Variants in MYT1 observed in about 807,000 individuals in gnomAD.
MYT1 encodes the protein myelin transcription factor I.
A neutral mutation model predicts 123.0 loss-of-function variants in MYT1; 23 were observed. The observed-to-expected ratio is 0.19, with a 90% CI of 0.13 to 0.26. The LOEUF (loss-of-function observed/expected upper bound fraction) is 0.26, where lower values mean the gene tolerates loss of function less well. Among genes scored for constraint, MYT1 ranks in the 10% least tolerant of loss-of-function variants. The pLI is 1.00. For synonymous variants in MYT1, 518 were observed against 575.3 expected, an observed-to-expected ratio of 0.90 and a Z score of 1.43; for missense variants, 1,125 against 1,472.5, an observed-to-expected ratio of 0.76 and a Z score of 3.86.
At position 64,231,589 on chromosome 20, in the gene MYT1, A is replaced by C. The variant is rs1984321623; in HGVS notation, c.2676-575A>C. On this transcript the variant is annotated intron_variant, in intron 18 of 22. Transcript: ENST00000328439. The surrounding 1 kb of genome is among the most constrained non-coding windows in gnomAD (Gnocchi z 6.4). The stretch of plus-strand genomic sequence containing the variant: ...TTCTTCCTTCTAGAACATAGATCTC[A>C]GTGGTGGCAAAGCTGCAACATCTAT... Among the ~76,000 whole-genome samples, 1 of 152,362 alleles carries C rather than the reference A, an allele frequency of 6.6e-6. No individual in the cohort carries two copies. Among genetic ancestry groups the C allele is most frequent in the South Asian group, 2.1e-4 (1 of 4,824 alleles).
intron 1 of MYT1, among the ~76,000 whole-genome samples, chr20:64,170,884 T>G (rs28556630): frequency 0.014 from 274 of 19,980 alleles, 6 homozygotes; most frequent in African/African-American, 0.016. Context: ...TATATATATA[T>G]AGAGAGAGAG....
intron 1 of MYT1, among the ~76,000 whole-genome samples, chr20:64,180,921 A>G (rs1384948716): frequency 1.3e-5 from 2 of 152,182 alleles, no homozygotes; most frequent in Admixed American, 6.5e-5. Context: ...TCGCGGTTCA[A>G]TGCTCAGTTT....
chr20:64,177,744 G>C (rs1982513012), intron 1 of MYT1, among the ~76,000 whole-genome samples: 1 of 152,166 alleles, frequency 6.6e-6, no homozygotes, highest in Non-Finnish European at 1.5e-5. Context: ...GGGCAAATGT[G>C]GGGGGTCCTG....
intron 1 of MYT1, among the ~76,000 whole-genome samples, chr20:64,180,606 C>T (rs964457295): frequency 1.3e-5 from 2 of 152,230 alleles, no homozygotes. Context: ...TGCTGGGGAG[C>T]CTCACTGGCC....
intron 13 of MYT1, 47 bp from the exon 14 acceptor site, chr20:64,221,846 G>T (rs762212114): frequency 3.7e-6 from 6 of 1,601,704 alleles, no homozygotes; most frequent in Non-Finnish European, 4.3e-6. Context: ...GGGCGCCCAG[G>T]CCTCCCCGCC....
In MYT1 at chr20:64,223,145, A is replaced by G. The variant is rs1292937417; in HGVS notation, c.2431A>G (p.Ile811Val). The G allele has an allele frequency of 2.5e-6, 4 of 1,614,006 alleles. No homozygotes were observed. Among genetic ancestry groups the G allele is most frequent in the East Asian group, 2.2e-5 (1 of 44,876 alleles). The change falls in exon 15 of 23, where the codon ATC (isoleucine) becomes GTC (valine). Residue 811 changes from isoleucine to valine, a missense_variant. Ile to Val is a conservative substitution (Grantham distance 29). This residue lies in a region of MYT1 where 47 missense variants were observed against 113.1 expected (regional missense o/e 0.42). Coordinates refer to ENST00000328439, the MANE Select transcript of MYT1 (RefSeq NM_004535.3). ...CCCTGGCTGTGACGGCAGCGGCCAC[A>G]TCACCGGGAACTACGCCTCCCACCG... ...PTPGCDGSGH[I>V]TGNYASHRSL...
chr20:64,223,237 C>T lies in MYT1; in HGVS notation c.2460-54C>T, dbSNP rs1984064228. ...CGTGGTGGGTCTTCCTCCTCTCCTC[C>T]TCCTCTGCTCTCCCTCTTTGGCTTA... On this transcript the variant is annotated intron_variant, in intron 15 of 22. Transcript: ENST00000328439. 2.5e-6 allele frequency: 4 copies of T among 1,613,092 alleles called. No individual in the cohort carries two copies. In the South Asian group the frequency reaches 4.4e-5, roughly 18 times the overall value.
chr20:64,205,712 T>A lies in MYT1; in HGVS notation c.309T>A (p.Ser103=). The A allele has an allele frequency of 6.2e-7, 1 of 1,614,216 alleles. No homozygotes were observed. The change falls in exon 6 of 23, where the codon TCT becomes TCA. Residue 103 remains serine (S), a synonymous_variant. Coordinates refer to ENST00000328439, the MANE Select transcript of MYT1 (RefSeq NM_004535.3). ...GSEDTEVKDA[S]VSDESEGTLE... is the part of the protein sequence containing the mutation. ...AGGACACTGAGGTGAAGGACGCCTC[T>A]GTTTCGGATGAATCGGAAGGAACTC...
chr20:64,170,934 G>GAGAGAGAGAC (rs1364403671), intron 1 of MYT1, among the ~76,000 whole-genome samples: 9 of 131,658 alleles, frequency 6.8e-5, no homozygotes, highest in Non-Finnish European at 9.7e-5. Context: ...GAGAGAGAGA[G>GAGAGAGAGAC]ACGGAGTCTT....
At chr20:64,235,610 A>G (rs1230677110) in intron 19 of MYT1, among the ~76,000 whole-genome samples, 274 of 48,770 alleles carry the variant, frequency 5.6e-3, no homozygotes, top group South Asian at 0.012. Context: ...GGTGACCCCG[A>G]GCTGGCTGTG....
chr20:64,213,065 TC>T lies in MYT1; in HGVS notation c.1518-467del, dbSNP rs1233275246. On this transcript the variant is annotated intron_variant, in intron 9 of 22. Coordinates refer to ENST00000328439, the MANE Select transcript of MYT1 (RefSeq NM_004535.3). The surrounding 1 kb of genome is among the most constrained non-coding windows in gnomAD (Gnocchi z 5.6). ...TGAGTACTTTCCTGGGCCTGTGTCA[TC>T]CAGGGTCAGTGCCCAGGCTGTGGTC... Among the ~76,000 whole-genome samples, 3 of 152,022 alleles carry T rather than the reference TC, an allele frequency of 2.0e-5. No homozygotes were observed. Among genetic ancestry groups the T allele is most frequent in the Admixed American group, 6.5e-5 (1 of 15,274 alleles).
At chr20:64,179,947 A>ACACG (rs10655822) in intron 1 of MYT1, among the ~76,000 whole-genome samples, 2 of 1,416 alleles carry the variant, frequency 1.4e-3, no homozygotes, top group Non-Finnish European at 2.2e-3. Flanking sequence ...ACACACAGTT[A>ACACG]CACATTTGCA....
chr20:64,226,847 G>C lies in MYT1; in HGVS notation c.2529-568G>C, dbSNP rs1984182222. ...TGCAGTCATGCTATACAACAGCCAG[G>C]CCTGGCATGGCCAGCGCCATCTGCT... is the stretch of plus-strand genomic sequence containing the variant. On this transcript the variant is annotated intron_variant, in intron 16 of 22. Coordinates refer to ENST00000328439, the MANE Select transcript of MYT1 (RefSeq NM_004535.3). Among the ~76,000 whole-genome samples the C allele has an allele frequency of 1.3e-5, 2 of 152,228 alleles. 1 individual carries two copies. The highest frequency in any genetic ancestry group is 4.1e-4 in the South Asian group (2 of 4,832).
At position 64,168,638 on chromosome 20, in the gene MYT1, A is replaced by G. The variant is rs920626474; in HGVS notation, c.-99+3899A>G. Among the ~76,000 whole-genome samples, 12 of 152,090 alleles carry G rather than the reference A, an allele frequency of 7.9e-5. No homozygotes were observed. The highest frequency in any genetic ancestry group is 1.5e-4 in the Non-Finnish European group (10 of 68,020). ...CCTCCACTCAGCAGCCCCAACCTTC[A>G]AGAGAGTGACTTTGTGCTCTGGCAA... On this transcript the variant is annotated intron_variant, in intron 1 of 22. Transcript: ENST00000328439. This position sits in a 1 kb window ranked among gnomAD's most constrained non-coding sequence, Gnocchi z 6.1.
In MYT1 at chr20:64,211,191, A is replaced by G. The variant is rs1319990409; in HGVS notation, c.1292-15A>G. 3 of 1,608,454 alleles carry G rather than the reference A, an allele frequency of 1.9e-6. No individual in the cohort carries two copies. In the Admixed American group the frequency reaches 5.0e-5, roughly 27 times the overall value. Reference sequence around the variant, plus strand: ...CAGCTTCCTGGCTCTAACTGATGTGACTTGTGTGTTTTAGATCCTTCAAGA... The same window carrying G: ...CAGCTTCCTGGCTCTAACTGATGTGGCTTGTGTGTTTTAGATCCTTCAAGA... On this transcript the variant is annotated splice_polypyrimidine_tract_variant and intron_variant, in intron 7 of 22. Transcript: ENST00000328439.
intron 18 of MYT1, chr20:64,228,251 A>G (rs1984227398): frequency 1.2e-5 from 6 of 489,382 alleles, no homozygotes; most frequent in South Asian, 1.1e-4. Context: ...TGGGAGAGGC[A>G]GAGCACCCTT....
chr20:64,168,805 C>T lies in MYT1; in HGVS notation c.-99+4066C>T, dbSNP rs111290570. Among the ~76,000 whole-genome samples the T allele has an allele frequency of 0.024, 3,693 of 152,308 alleles. 127 individuals carry two copies. Among genetic ancestry groups the T allele is most frequent in the South Asian group, 0.077 (370 of 4,824 alleles). Reference sequence around the variant, plus strand: ...TGGATGGTCCTCAGGAAGTAGGCTGCAGCGCTCTGCAGGAGTCAGGGTGGC... The same window carrying T: ...TGGATGGTCCTCAGGAAGTAGGCTGTAGCGCTCTGCAGGAGTCAGGGTGGC... On this transcript the variant is annotated intron_variant, in intron 1 of 22. Coordinates refer to ENST00000328439, the MANE Select transcript of MYT1 (RefSeq NM_004535.3). This position sits in a 1 kb window ranked among gnomAD's most constrained non-coding sequence, Gnocchi z 6.1.
Position 64,185,741 on chromosome 20 carries a change from G to A in MYT1, c.-98-4322G>A, listed in dbSNP as rs1982781532. Reference sequence around the variant, plus strand: ...CGCAGGGGGTCCCCCATGGGGTTGTGCGTGGAGTGGCCACAGTGCCAGTGC... The same window carrying A: ...CGCAGGGGGTCCCCCATGGGGTTGTACGTGGAGTGGCCACAGTGCCAGTGC... On this transcript the variant is annotated intron_variant, in intron 1 of 22. Transcript: ENST00000328439. The surrounding 1 kb of genome is among the most constrained non-coding windows in gnomAD (Gnocchi z 4.5). Among the ~76,000 whole-genome samples, 1 of 152,222 alleles carries A rather than the reference G, an allele frequency of 6.6e-6. No individual in the cohort carries two copies. Among genetic ancestry groups the A allele is most frequent in the Admixed American group, 6.5e-5 (1 of 15,292 alleles).
At chr20:64,214,351 G>A (rs140653208) in intron 10 of MYT1, among the ~76,000 whole-genome samples, 4 of 152,286 alleles carry the variant, frequency 2.6e-5, no homozygotes, top group Admixed American at 1.3e-4. Context: ...GTTTGTGTTC[G>A]CATATGTGCG....
Sources: gnomAD v4.1 joint callset for allele counts (sites outside exome capture counted in the v4.1 genomes callset) on GRCh38, gnomAD v4.1.1 for gene constraint, gnomAD v4.1.1 regional missense constraint, Gnocchi (gnomAD v3.1) non-coding constraint, MANE v1.5 for transcripts, NCBI Gene and HGNC (gene_info 2026-07-23, HGNC 2026-07-21) for gene names.